Variants in HAPLN3 observed in about 807,000 individuals in gnomAD.
HAPLN3 encodes hyaluronan and proteoglycan link protein 3.
HAPLN3 carries 28 observed loss-of-function variants against 28.1 expected under a neutral mutation model. That is an observed-to-expected ratio of 1.00 (90% CI 0.74 to 1.37). The LOEUF is 1.37. Ranked by LOEUF, HAPLN3 falls within the 40% of genes most tolerant of loss-of-function variation. The pLI, the probability that HAPLN3 is intolerant of heterozygous loss-of-function variation, is 0.00. For missense variants in HAPLN3, 513 were observed against 504.6 expected, an observed-to-expected ratio of 1.02 and a Z score of -0.16; for synonymous variants, 211 against 213.1, an observed-to-expected ratio of 0.99 and a Z score of 0.09.
At chr15:88,883,889 C>A (rs1306530171) in intron 2 of HAPLN3, among the ~76,000 whole-genome samples, 1 of 151,800 alleles carries the variant, frequency 6.6e-6, no homozygotes, top group African/African-American at 2.4e-5. Flanking sequence ...ACTAGCGTGG[C>A]CAACACGGTG....
At chr15:88,892,735 GC>G (rs1898045059) in intron 1 of HAPLN3, among the ~76,000 whole-genome samples, 2 of 152,190 alleles carry the variant, frequency 1.3e-5, no homozygotes, top group African/African-American at 4.8e-5. Context: ...GACAAGCACA[GC>G]CTTGAATGCT....
chr15:88,879,900 C>T lies in HAPLN3; in HGVS notation c.494-631G>A, dbSNP rs1596164806. On this transcript the variant is annotated intron_variant, in intron 3 of 4. Coordinates refer to ENST00000359595, the MANE Select transcript of HAPLN3 (RefSeq NM_178232.4). This position sits in a 1 kb window ranked among gnomAD's most constrained non-coding sequence, Gnocchi z 5.0. The stretch of plus-strand genomic sequence containing the variant: ...AGATATGTTCGTGTTTGAAATTTTA[C>T]TCTAATAAAAAGTTTTTAAACTTCT... The T allele has an allele frequency of 3.0e-6, 3 of 1,014,748 alleles. No individual in the cohort carries two copies. The highest frequency in any genetic ancestry group is 3.5e-6 in the Non-Finnish European group (3 of 847,476). The allele number at this position is 1,014,748 out of a possible 1,614,324, so 62.9% of individuals were successfully genotyped here. A position where few individuals can be genotyped will look rare whatever the true frequency, so the allele number is the denominator to read the frequency against.
intron 1 of HAPLN3, among the ~76,000 whole-genome samples, chr15:88,893,504 A>G (rs1353647315): frequency 6.6e-6 from 1 of 152,046 alleles, no homozygotes; most frequent in Admixed American, 6.5e-5. Context: ...ACAAATGAAC[A>G]TGGCAAAGAT....
At position 88,889,909 on chromosome 15, in the gene HAPLN3, G is replaced by A. The variant is rs878999579; in HGVS notation, c.-47-2564C>T. Among the ~76,000 whole-genome samples the A allele has an allele frequency of 2.0e-5, 3 of 149,764 alleles. No individual in the cohort carries two copies. In the South Asian group the frequency reaches 6.4e-4, roughly 32 times the overall value. On this transcript the variant is annotated intron_variant, in intron 1 of 4. Transcript: ENST00000359595. ...ACCATGTGGTCTTGTGAATGCCTGT[G>A]TACAGGACCCAGAAGATGAGGAAAC...
chr15:88,887,974 A>C (rs1000429760), intron 1 of HAPLN3, among the ~76,000 whole-genome samples: 2 of 152,186 alleles, frequency 1.3e-5, no homozygotes, highest in African/African-American at 4.8e-5. Context: ...AAAAAAAAGA[A>C]AAAAGAAAGA....
intron 1 of HAPLN3, among the ~76,000 whole-genome samples, chr15:88,889,298 C>G (rs1056049150): frequency 6.6e-6 from 1 of 151,968 alleles, no homozygotes; most frequent in Non-Finnish European, 1.5e-5. Flanking sequence ...CCAGGGCCAG[C>G]GTCTGGATGC....
chr15:88,880,226 G>A lies in HAPLN3; in HGVS notation c.494-957C>T. The stretch of plus-strand genomic sequence containing the variant: ...CTTGAAGCCCCGGGAATGGGGTGAG[G>A]GCTCCCTGTTTCTCTAGGCTGCCCC... On this transcript the variant is annotated intron_variant, in intron 3 of 4. Coordinates refer to ENST00000359595, the MANE Select transcript of HAPLN3 (RefSeq NM_178232.4). The surrounding 1 kb of genome is among the most constrained non-coding windows in gnomAD (Gnocchi z 6.0). 1.0e-6 allele frequency: 1 copy of A among 999,660 alleles called. No homozygotes were observed. Among genetic ancestry groups the A allele is most frequent in the Non-Finnish European group, 1.2e-6 (1 of 838,864 alleles). 61.9% of individuals were successfully genotyped at this position (999,660 alleles called of 1,614,324 possible).
rs200646682 is a variant in HAPLN3 at position 88,881,445 on chromosome 15, A to T, written c.405T>A (p.Asp135Glu). Residue 135 changes from aspartate to glutamate, a missense_variant, in exon 3 of 5, where the codon GAT becomes GAA. Physicochemically the swap from Asp to Glu is conservative, Grantham distance 45 (BLOSUM62 2). Coordinates refer to ENST00000359595, the MANE Select transcript of HAPLN3 (RefSeq NM_178232.4). The surrounding 1 kb of genome is among the most constrained non-coding windows in gnomAD (Gnocchi z 6.0). ...AACGCCCATAGTCCTCCAGCCGCAG[A>T]TCCTGGATCTCCAGCGAGACGTCAT... ...KEHDVSLEIQ[D>E]LRLEDYGRYR... is the part of the protein sequence containing the mutation. 2.2e-4 allele frequency: 348 copies of T among 1,613,888 alleles called. No individual in the cohort carries two copies. Among genetic ancestry groups the T allele is most frequent in the Non-Finnish European group, 2.7e-4 (318 of 1,180,038 alleles).
At position 88,886,802 on chromosome 15, in the gene HAPLN3, G is replaced by T. The variant is rs544689350; in HGVS notation, c.124+373C>A. On this transcript the variant is annotated intron_variant, in intron 2 of 4. Transcript: ENST00000359595. ...ATCGTGCCATTGCACTCCAGCCTCG[G>T]CAACAGAGTGAGACTTTATCTCAAA... Among the ~76,000 whole-genome samples, 87 of 152,328 alleles carry T rather than the reference G, an allele frequency of 5.7e-4. No individual in the cohort carries two copies. The South Asian group carries it at 7.0e-3, about 12-fold the overall frequency.
chr15:88,881,460 C>A lies in HAPLN3; in HGVS notation c.390G>T (p.Ser130=), dbSNP rs78894646. 19 of 1,613,934 alleles carry A rather than the reference C, an allele frequency of 1.2e-5. No homozygotes were observed. The highest frequency in any genetic ancestry group is 1.6e-4 in the Middle Eastern group (1 of 6,084). ...CCAGCCGCAGATCCTGGATCTCCAGCGAGACGTCATGCTCTTTGTCCTGCC... is the reference window on the plus strand; with the variant it reads ...CCAGCCGCAGATCCTGGATCTCCAGAGAGACGTCATGCTCTTTGTCCTGCC... ...HLRQDKEHDV[S]LEIQDLRLED... The change falls in exon 3 of 5, where the codon TCG becomes TCT. Residue 130 remains serine (S), a synonymous_variant. Transcript: ENST00000359595. The surrounding 1 kb of genome is among the most constrained non-coding windows in gnomAD (Gnocchi z 6.0).
intron 1 of HAPLN3, chr15:88,893,002 C>T: frequency 6.5e-7 from 1 of 1,534,928 alleles, no homozygotes; most frequent in South Asian, 1.2e-5. Flanking sequence ...CCCAAATCTT[C>T]TGGAGTCCTG....
In HAPLN3 at chr15:88,879,657, G is replaced by A. The variant is rs113482954; in HGVS notation, c.494-388C>T. ...GCTCCCCACTCGTTAGCTGGGACCCGATCGTCTACGTTATTATGAATGTGG... is the reference window on the plus strand; with the variant it reads ...GCTCCCCACTCGTTAGCTGGGACCCAATCGTCTACGTTATTATGAATGTGG... On this transcript the variant is annotated intron_variant, in intron 3 of 4. Transcript: ENST00000359595. This position sits in a 1 kb window ranked among gnomAD's most constrained non-coding sequence, Gnocchi z 5.0. 204 of 1,215,174 alleles carry A rather than the reference G, an allele frequency of 1.7e-4. 2 individuals are homozygous for A. The African/African-American group carries it at 2.3e-3, about 14-fold the overall frequency. The allele number at this position is 1,215,174 out of a possible 1,614,324, so 75.3% of individuals were successfully genotyped here.
intron 1 of HAPLN3, chr15:88,893,027 C>T (rs1285519625): frequency 6.7e-7 from 1 of 1,498,890 alleles, no homozygotes; most frequent in Non-Finnish European, 9.0e-7. Flanking sequence ...GGCACTCAGA[C>T]CTGGGCTCGG....
chr15:88,878,967 C>G lies in HAPLN3; in HGVS notation c.796G>C (p.Gly266Arg), dbSNP rs750569584. Residue 266 changes from glycine to arginine, a missense_variant and splice_region_variant, in exon 4 of 5, where the codon GGG (glycine) becomes CGG (arginine). Coordinates refer to ENST00000359595, the MANE Select transcript of HAPLN3 (RefSeq NM_178232.4). The stretch of plus-strand genomic sequence containing the variant: ...GCCCGCGCTTGGCTATTCCACTCAC[C>G]CTTGAGGGCAGTAGCGAAGCAGAAT... ...DVFCFATALKGRVYYLEHPEK... is the reference protein window; with the variant it reads ...DVFCFATALKRRVYYLEHPEK... 5.6e-6 allele frequency: 9 copies of G among 1,607,134 alleles called. No individual in the cohort carries two copies. Among genetic ancestry groups the G allele is most frequent in the Non-Finnish European group, 7.6e-6 (9 of 1,177,628 alleles).
intron 2 of HAPLN3, among the ~76,000 whole-genome samples, chr15:88,884,374 C>T (rs1897789993): frequency 6.6e-6 from 1 of 152,162 alleles, no homozygotes; most frequent in African/African-American, 2.4e-5. Context: ...ACCATCCTGG[C>T]TAACACGGTG....
In HAPLN3 at chr15:88,877,874, A is replaced by G. The variant is rs1431210900; in HGVS notation, c.*96T>C. On this transcript the variant is annotated 3_prime_UTR_variant, in exon 5 of 5. Transcript: ENST00000359595. This position sits in a 1 kb window ranked among gnomAD's most constrained non-coding sequence, Gnocchi z 5.1. ...AAAGAAAATTTAAATTGAGAAGTAT[A>G]AAAACAGTTAAAATGGCTCCAACCC... The G allele has an allele frequency of 8.1e-7, 1 of 1,230,704 alleles. No individual in the cohort carries two copies. Among genetic ancestry groups the G allele is most frequent in the Non-Finnish European group, 1.1e-6 (1 of 891,790 alleles). 76.2% of individuals were successfully genotyped at this position (1,230,704 alleles called of 1,614,324 possible).
chr15:88,887,635 T>C (rs530702505), intron 1 of HAPLN3, among the ~76,000 whole-genome samples: 13 of 152,282 alleles, frequency 8.5e-5, no homozygotes, highest in Admixed American at 5.2e-4. Flanking sequence ...CAGGATGATA[T>C]GACAGGCTCA....
Position 88,884,133 on chromosome 15 carries a change from G to A in HAPLN3, c.125-2408C>T, listed in dbSNP as rs768276922. 2.0e-5 allele frequency among the ~76,000 whole-genome samples: 3 copies of A among 152,094 alleles called. No individual in the cohort carries two copies. The South Asian group carries it at 6.2e-4, about 31-fold the overall frequency. On this transcript the variant is annotated intron_variant, in intron 2 of 4. Coordinates refer to ENST00000359595, the MANE Select transcript of HAPLN3 (RefSeq NM_178232.4). ...CTAAAAAGTTAACAGTGGTTCCCCT[G>A]GGTGGGGGGATTATATATGACTTTG...
Position 88,879,121 on chromosome 15 carries a change from C to T in HAPLN3, c.642G>A (p.Ala214=), listed in dbSNP as rs151250721. 4.9e-5 allele frequency: 79 copies of T among 1,613,206 alleles called. No homozygotes were observed. Among genetic ancestry groups the T allele is most frequent in the Non-Finnish European group, 6.2e-5 (73 of 1,179,786 alleles). Residue 214 remains alanine, a synonymous_variant, in exon 4 of 5, where the codon GCG becomes GCA. Transcript: ENST00000359595. The surrounding 1 kb of genome is among the most constrained non-coding windows in gnomAD (Gnocchi z 5.0). The part of the protein sequence containing the change: ...AWEEGLDWCN[A]GWLQDATVQY... ...GCACCGTGGCATCCTGCAGCCAGCCCGCGTTGCACCAGTCCAGGCCCTCCT... is the reference window on the plus strand; with the variant it reads ...GCACCGTGGCATCCTGCAGCCAGCCTGCGTTGCACCAGTCCAGGCCCTCCT...
Sources: gnomAD v4.1 joint callset for allele counts (sites outside exome capture counted in the v4.1 genomes callset) on GRCh38, gnomAD v4.1.1 for gene constraint, Gnocchi (gnomAD v3.1) non-coding constraint, MANE v1.5 for transcripts, NCBI Gene and HGNC (gene_info 2026-07-23, HGNC 2026-07-21) for gene names.